PDCL2: variants seen among roughly 807,000 people sequenced by gnomAD.
PDCL2 encodes phosducin-like protein 2.
A neutral mutation model predicts 30.3 loss-of-function variants in PDCL2; 23 were observed. The ratio of observed to expected loss-of-function variants is 0.76; its 90% CI spans 0.55 to 1.08. The LOEUF (loss-of-function observed/expected upper bound fraction) is 1.08, where lower values mean the gene tolerates loss of function less well. Ranked by LOEUF, PDCL2 falls within the 50% of genes least tolerant of loss-of-function variation. The pLI, the probability that PDCL2 is intolerant of heterozygous loss-of-function variation, is 0.00. For synonymous variants in PDCL2, 68 were observed against 86.2 expected, an observed-to-expected ratio of 0.79 and a Z score of 1.17; for missense variants, 243 against 282.3, an observed-to-expected ratio of 0.86 and a Z score of 1.00.
rs1277988219 is a variant in PDCL2, at chr4:55,556,548, T to C, written c.*9A>G. 1.3e-6 allele frequency: 2 copies of C among 1,516,538 alleles called. No individual in the cohort carries two copies. Among genetic ancestry groups the C allele is most frequent in the Non-Finnish European group, 1.8e-6 (2 of 1,123,582 alleles). The allele number at this position is 1,516,538 out of a possible 1,614,324, so 93.9% of individuals were successfully genotyped here. On this transcript the variant is annotated 3_prime_UTR_variant, in exon 6 of 6. Transcript: ENST00000295645. ...CATATACTAAAAGCTATTTATTGAATATTTCTCTCTATTTGGTATCATTAT... is the reference window on the plus strand; with the variant it reads ...CATATACTAAAAGCTATTTATTGAACATTTCTCTCTATTTGGTATCATTAT...
chr4:55,568,220 T>C (rs927656099), intron 4 of PDCL2, among the ~76,000 whole-genome samples: 1 of 152,220 alleles, frequency 6.6e-6, no homozygotes, highest in African/African-American at 2.4e-5. Flanking sequence ...GAATGGTTTA[T>C]AGCCCTGAGG....
At chr4:55,584,250 GTTGTT>G (rs148148679) in intron 1 of PDCL2, among the ~76,000 whole-genome samples, 13 of 150,056 alleles carry the variant, frequency 8.7e-5, no homozygotes, top group Admixed American at 2.7e-4. Flanking sequence ...TTTTGTTGTT[GTTGTT>G]TTGTTTTGTT....
chr4:55,557,193 A>G (rs370036841), intron 5 of PDCL2, among the ~76,000 whole-genome samples: 1 of 152,248 alleles, frequency 6.6e-6, no homozygotes, highest in African/African-American at 2.4e-5. Flanking sequence ...CAAAATACAC[A>G]TTGGATACAG....
intron 3 of PDCL2, among the ~76,000 whole-genome samples, chr4:55,573,926 G>T (rs1183430319): frequency 2.7e-5 from 4 of 147,534 alleles, no homozygotes. Context: ...ACAGAGTCTC[G>T]CTCTGTCACC....
chr4:55,572,417 CCA>C (rs1452056485), intron 3 of PDCL2, among the ~76,000 whole-genome samples: 1 of 152,198 alleles, frequency 6.6e-6, no homozygotes. Context: ...TCTGGAACTA[CCA>C]CACTATTGTT....
intron 3 of PDCL2, among the ~76,000 whole-genome samples, chr4:55,578,528 T>C (rs577263042): frequency 1.3e-5 from 2 of 152,234 alleles, no homozygotes; most frequent in African/African-American, 4.8e-5. Context: ...AATCTTTGAT[T>C]AGGTAGAGAT....
intron 3 of PDCL2, among the ~76,000 whole-genome samples, chr4:55,570,558 T>A (rs1028398679): frequency 1.3e-5 from 2 of 152,128 alleles, no homozygotes; most frequent in Admixed American, 6.5e-5. Flanking sequence ...TAACTGTACA[T>A]GGGAATAATA....
chr4:55,563,977 C>A (rs755900645), intron 4 of PDCL2, among the ~76,000 whole-genome samples: 1 of 152,230 alleles, frequency 6.6e-6, no homozygotes, highest in African/African-American at 2.4e-5. Context: ...GAAGGCCTGA[C>A]TGCATGAATG....
At chr4:55,575,232 G>A (rs978866100) in intron 3 of PDCL2, among the ~76,000 whole-genome samples, 10 of 152,214 alleles carry the variant, frequency 6.6e-5, no homozygotes, top group African/African-American at 1.9e-4. Context: ...GAAGTGGTAT[G>A]AGTAAAACAT....
chr4:55,573,565 C>A (rs981201819), intron 3 of PDCL2, among the ~76,000 whole-genome samples: 1 of 152,010 alleles, frequency 6.6e-6, no homozygotes, highest in African/African-American at 2.4e-5. Flanking sequence ...GCCTGGCCAA[C>A]GTGGTGAAAT....
chr4:55,569,384 T>C (rs1189357549), intron 4 of PDCL2, among the ~76,000 whole-genome samples: 1 of 152,212 alleles, frequency 6.6e-6, no homozygotes, highest in Non-Finnish European at 1.5e-5. Context: ...TTGTTGAATC[T>C]GTATGGTCGA....
chr4:55,575,475 A>C (rs998265422), intron 3 of PDCL2, among the ~76,000 whole-genome samples: 1 of 152,230 alleles, frequency 6.6e-6, no homozygotes, highest in African/African-American at 2.4e-5. Flanking sequence ...GAAAAGAGAG[A>C]GAAAAGAAGC....
intron 1 of PDCL2, among the ~76,000 whole-genome samples, chr4:55,583,025 G>A (rs916830665): frequency 3.3e-5 from 5 of 152,058 alleles, no homozygotes; most frequent in Non-Finnish European, 7.4e-5. Flanking sequence ...ACCCAAGCTG[G>A]AATGCAGTGG....
At chr4:55,570,277 G>T (rs1021812467) in intron 3 of PDCL2, among the ~76,000 whole-genome samples, 1 of 152,126 alleles carries the variant, frequency 6.6e-6, no homozygotes, top group Non-Finnish European at 1.5e-5. Flanking sequence ...CTTAATCCTT[G>T]TAAAAATGTT....
intron 1 of PDCL2, 79 bp downstream of exon 1, chr4:55,592,025 C>A: frequency 6.4e-7 from 1 of 1,568,912 alleles, no homozygotes; most frequent in South Asian, 1.2e-5. Context: ...CCGCCCTCCC[C>A]ATTTGTGTCC....
intron 5 of PDCL2, among the ~76,000 whole-genome samples, chr4:55,558,899 T>C (rs763642329): frequency 1.3e-5 from 2 of 152,080 alleles, no homozygotes; most frequent in Admixed American, 6.6e-5. Context: ...CCCACTCTTA[T>C]AAATCAATGA....
chr4:55,580,178 A>C (rs1323337050), intron 3 of PDCL2, among the ~76,000 whole-genome samples: 1 of 152,158 alleles, frequency 6.6e-6, no homozygotes, highest in Non-Finnish European at 1.5e-5. Context: ...ATGATCTTGC[A>C]TTCCTGCAAT....
At chr4:55,579,075 T>C (rs1235899314) in intron 3 of PDCL2, among the ~76,000 whole-genome samples, 1 of 152,214 alleles carries the variant, frequency 6.6e-6, no homozygotes, top group Non-Finnish European at 1.5e-5. Context: ...TATAAATTTA[T>C]TTCATTATTT....
chr4:55,570,861 CCTTT>C (rs1197937766), intron 3 of PDCL2, among the ~76,000 whole-genome samples: 1 of 152,110 alleles, frequency 6.6e-6, no homozygotes, highest in East Asian at 1.9e-4. Context: ...AGTATTTACT[CCTTT>C]TCTTTCTCTG....
Sources: allele counts gnomAD v4.1 joint callset (sites outside exome capture counted in the v4.1 genomes callset), GRCh38; gene constraint gnomAD v4.1.1; transcripts MANE v1.5; gene names NCBI Gene and HGNC (gene_info 2026-07-23, HGNC 2026-07-21).